The following NMNAT3 variants were observed in gnomAD, a reference collection of about 807,000 sequenced individuals.
NMNAT3 encodes nicotinamide/nicotinic acid mononucleotide adenylyltransferase 3.
Under a neutral mutation model 24.8 loss-of-function variants are expected in NMNAT3, and 21 were observed. That is an observed-to-expected ratio of 0.85 (90% CI 0.60 to 1.22). NMNAT3 has a LOEUF of 1.22. Ranked by LOEUF, NMNAT3 falls within the 50% of genes most tolerant of loss-of-function variation. NMNAT3 has a pLI of 0.00. For synonymous variants in NMNAT3, 136 were observed against 155.2 expected (o/e 0.88, Z 0.92); for missense variants, 387 against 436.6 (o/e 0.89, Z 1.01).
At chr3:139,594,366 T>C (rs7613324) in intron 3 of NMNAT3, among the ~76,000 whole-genome samples, 3,987 of 152,248 alleles carry the variant, frequency 0.026, 188 homozygotes, top group African/African-American at 0.089. Context: ...GATTCACACC[T>C]GAATTCTACC....
chr3:139,656,926 A>G (rs2057264545), intron 1 of NMNAT3, among the ~76,000 whole-genome samples: 1 of 152,238 alleles, frequency 6.6e-6, no homozygotes, highest in Non-Finnish European at 1.5e-5. Context: ...CTAAAAGTTA[A>G]TATACTATTT....
chr3:139,629,117 T>C (rs1254201716), intron 2 of NMNAT3, among the ~76,000 whole-genome samples: 4 of 152,176 alleles, frequency 2.6e-5, no homozygotes, highest in Non-Finnish European at 5.9e-5. Flanking sequence ...TTACCACTTC[T>C]GAGATAAGGT....
intron 2 of NMNAT3, chr3:139,636,326 A>G (rs1404461458): frequency 6.7e-6 from 1 of 148,314 alleles, no homozygotes; most frequent in Non-Finnish European, 1.5e-5. Flanking sequence ...GGAAAAAAAT[A>G]CACCTAAGGA....
At chr3:139,656,671 A>G (rs1328446358) in intron 1 of NMNAT3, among the ~76,000 whole-genome samples, 1 of 152,166 alleles carries the variant, frequency 6.6e-6, no homozygotes, top group Non-Finnish European at 1.5e-5. Flanking sequence ...GCATGCTTGT[A>G]GTCCCAGCTA....
chr3:139,642,985 T>C (rs1014394238), intron 1 of NMNAT3, among the ~76,000 whole-genome samples: 6 of 152,238 alleles, frequency 3.9e-5, no homozygotes, highest in African/African-American at 1.4e-4. Context: ...ACTCAGCCTA[T>C]ATAAGGCTGT....
intron 3 of NMNAT3, chr3:139,599,120 G>T: frequency 1.8e-6 from 1 of 561,548 alleles, no homozygotes; most frequent in East Asian, 2.9e-5. Context: ...ATTCCAAACT[G>T]TAAAGACTTC....
intron 3 of NMNAT3, among the ~76,000 whole-genome samples, chr3:139,596,916 G>GTGTGTGTATATATA (rs1393197797): frequency 1.0e-5 from 1 of 97,164 alleles, no homozygotes; most frequent in Non-Finnish European, 2.1e-5. Flanking sequence ...TGTCATGTGT[G>GTGTGTGTATATATA]TATATATATA....
At chr3:139,657,550 T>C (rs1354902326) in intron 1 of NMNAT3, among the ~76,000 whole-genome samples, 2 of 151,864 alleles carry the variant, frequency 1.3e-5, no homozygotes, top group Admixed American at 1.3e-4. Context: ...GTTGCAGCGG[T>C]TGTCATACAG....
At chr3:139,631,821 T>C (rs569316180) in intron 2 of NMNAT3, among the ~76,000 whole-genome samples, 73 of 152,350 alleles carry the variant, frequency 4.8e-4, no homozygotes, top group African/African-American at 1.7e-3. Context: ...CCTACTGCCC[T>C]CACCACCATG....
Position 139,629,390 on chromosome 3 carries a change from T to C in NMNAT3, c.-40-1626A>G, listed in dbSNP as rs566274119. Among the ~76,000 whole-genome samples the C allele has an allele frequency of 1.1e-4, 17 of 152,318 alleles. No individual in the cohort carries two copies. The South Asian group carries it at 3.5e-3, about 32-fold the overall frequency. Reference sequence around the variant, plus strand: ...GAACACTGACTGAAGCTTTATAAGATAGGCTTTATAAGTTAAATTATATCT... The same window carrying C: ...GAACACTGACTGAAGCTTTATAAGACAGGCTTTATAAGTTAAATTATATCT... On this transcript the variant is annotated intron_variant, in intron 2 of 6. Coordinates refer to ENST00000643695, the MANE Select transcript of NMNAT3 (RefSeq NM_001320510.2).
In NMNAT3 at chr3:139,583,248, G is replaced by A. The variant is rs929085187; in HGVS notation, c.110-40C>T. ...AACGTGTAAATGTTTGCAAATTCAG[G>A]TGCTAAGAGTTTTGCATGTATAGCA... On this transcript the variant is annotated intron_variant, in intron 3 of 6. Transcript: ENST00000643695. 7 of 1,192,258 alleles carry A rather than the reference G, an allele frequency of 5.9e-6. No individual in the cohort carries two copies. In the East Asian group the frequency reaches 1.6e-4, roughly 28 times the overall value. 73.9% of individuals were successfully genotyped at this position (1,192,258 alleles called of 1,614,324 possible). A position where few individuals can be genotyped will look rare whatever the true frequency, so the allele number is the denominator to read the frequency against.
At chr3:139,566,659 G>A (rs1445677969) in intron 6 of NMNAT3, 1 of 152,188 alleles carries the variant, frequency 6.6e-6, no homozygotes, top group East Asian at 1.9e-4. Flanking sequence ...GTTTGTCAAA[G>A]ATCAGATAGT....
intron 3 of NMNAT3, among the ~76,000 whole-genome samples, chr3:139,595,602 C>G (rs1454716231): frequency 6.6e-6 from 1 of 152,100 alleles, no homozygotes; most frequent in African/African-American, 2.4e-5. Context: ...GGTACTGGTA[C>G]CAAAACAGAG....
At chr3:139,669,252 C>T (rs564975668) in intron 1 of NMNAT3, among the ~76,000 whole-genome samples, 12 of 152,056 alleles carry the variant, frequency 7.9e-5, no homozygotes, top group Admixed American at 7.9e-4. Flanking sequence ...GCAGGCAGAT[C>T]ACTTGAGCCT....
At chr3:139,620,299 A>G (rs1395775862) in intron 3 of NMNAT3, among the ~76,000 whole-genome samples, 1 of 151,824 alleles carries the variant, frequency 6.6e-6, no homozygotes, top group African/African-American at 2.4e-5. Context: ...AGGTTTTGAC[A>G]TACGTATATA....
intron 1 of NMNAT3, among the ~76,000 whole-genome samples, chr3:139,661,982 A>G (rs2057429758): frequency 6.6e-6 from 1 of 152,200 alleles, no homozygotes; most frequent in Non-Finnish European, 1.5e-5. Context: ...ACACAGACAC[A>G]GTCATGGTGA....
intron 3 of NMNAT3, among the ~76,000 whole-genome samples, chr3:139,598,499 C>CTGTA (rs1220716475): frequency 6.6e-6 from 1 of 152,098 alleles, no homozygotes; most frequent in African/African-American, 2.4e-5. Flanking sequence ...CATGCATGTG[C>CTGTA]TGTAGTCAAT....
At chr3:139,580,900 T>A (rs1940085533) in intron 4 of NMNAT3, among the ~76,000 whole-genome samples, 3 of 152,216 alleles carry the variant, frequency 2.0e-5, no homozygotes, top group African/African-American at 4.8e-5. Flanking sequence ...CATCCTAATT[T>A]GATACAACAA....
At position 139,569,124 on chromosome 3, in the gene NMNAT3, G is replaced by C. The variant is rs1937639733; in HGVS notation, c.658+4474C>G. The C allele has an allele frequency of 3.9e-5, 6 of 152,084 alleles. No homozygotes were observed. The South Asian group carries it at 1.2e-3, about 32-fold the overall frequency. The allele number at this position is 152,084 out of a possible 1,614,324, so 9.4% of individuals were successfully genotyped here. ...GCCTTCTTTGTCTCTTTTGATCTTT[G>C]TTGGTTTAAAGTCTGTTTTATCAGA... On this transcript the variant is annotated intron_variant, in intron 6 of 6. Transcript: ENST00000643695.
Sources: gnomAD v4.1 joint callset for allele counts (sites outside exome capture counted in the v4.1 genomes callset) on GRCh38, gnomAD v4.1.1 for gene constraint, MANE v1.5 for transcripts, NCBI Gene and HGNC (gene_info 2026-07-23, HGNC 2026-07-21) for gene names.